NELL1: variants seen among roughly 807,000 people sequenced by gnomAD.
NELL1 encodes the protein neural EGFL like 1.
NELL1 carries 76 observed loss-of-function variants against 107.4 expected under a neutral mutation model. The ratio of observed to expected loss-of-function variants is 0.71; its 90% CI spans 0.59 to 0.86. The LOEUF (loss-of-function observed/expected upper bound fraction) is 0.86. Among genes scored for constraint, NELL1 ranks in the 40% least tolerant of loss-of-function variants. NELL1 has a pLI of 0.00. For synonymous variants in NELL1, 353 were observed against 341.2 expected (o/e 1.03, Z -0.38); for missense variants, 1,024 against 1,005.5 (o/e 1.02, Z -0.25).
intron 5 of NELL1, among the ~76,000 whole-genome samples, chr11:20,891,622 T>G (rs1849618545): frequency 6.6e-6 from 1 of 152,136 alleles, no homozygotes; most frequent in African/African-American, 2.4e-5. Flanking sequence ...AGATCCATCT[T>G]ACATGCAAAG....
At chr11:21,070,928 C>T (rs1853996879) in intron 12 of NELL1, among the ~76,000 whole-genome samples, 1 of 152,082 alleles carries the variant, frequency 6.6e-6, no homozygotes, top group African/African-American at 2.4e-5. Context: ...CAACAGGGAG[C>T]ACTACTTATC....
intron 16 of NELL1, among the ~76,000 whole-genome samples, chr11:21,537,465 C>G (rs1485492748): frequency 6.6e-6 from 1 of 152,126 alleles, no homozygotes; most frequent in East Asian, 1.9e-4. Flanking sequence ...CTCAACACCT[C>G]TCTTGTTGTA....
At chr11:21,203,514 A>G (rs544493853) in intron 13 of NELL1, among the ~76,000 whole-genome samples, 1 of 144,686 alleles carries the variant, frequency 6.9e-6, no homozygotes, top group African/African-American at 2.6e-5. Context: ...GTGTCTTTGC[A>G]CATGTGATGG....
intron 14 of NELL1, among the ~76,000 whole-genome samples, chr11:21,330,523 A>C (rs1042989025): frequency 2.0e-5 from 3 of 152,002 alleles, no homozygotes; most frequent in Non-Finnish European, 2.9e-5. Context: ...TTATTCTTTC[A>C]GCACTTTGAA....
intron 14 of NELL1, among the ~76,000 whole-genome samples, chr11:21,335,775 A>G (rs1416703583): frequency 1.3e-5 from 2 of 152,098 alleles, no homozygotes; most frequent in African/African-American, 4.8e-5. Context: ...TTTGTATATG[A>G]TGCCAAGTAC....
At position 20,875,242 on chromosome 11, in the gene NELL1, G is replaced by A. The variant is rs80091407; in HGVS notation, c.507-10202G>A. The stretch of plus-strand genomic sequence containing the variant: ...AGATCTCACATTCTGTTTTTAAGCA[G>A]CATATTTACCCTAACTTTGGACCCT... On this transcript the variant is annotated intron_variant, in intron 4 of 19. Coordinates refer to ENST00000357134, the MANE Select transcript of NELL1 (RefSeq NM_006157.5). Among the ~76,000 whole-genome samples the A allele has an allele frequency of 8.0e-3, 1,220 of 152,110 alleles. 11 individuals carry two copies. Among genetic ancestry groups the A allele is most frequent in the African/African-American group, 0.027 (1,136 of 41,496 alleles).
intron 14 of NELL1, among the ~76,000 whole-genome samples, chr11:21,338,142 T>C (rs1486163961): frequency 6.6e-6 from 1 of 152,082 alleles, no homozygotes; most frequent in African/African-American, 2.4e-5. Flanking sequence ...GATGTACAGA[T>C]ATAATGACAA....
At chr11:21,500,476 C>G (rs537611084) in intron 15 of NELL1, among the ~76,000 whole-genome samples, 1 of 152,060 alleles carries the variant, frequency 6.6e-6, no homozygotes, top group Admixed American at 6.6e-5. Flanking sequence ...TATTTAGAAA[C>G]ATCCAATTTA....
At chr11:20,783,897 A>T (rs1263627220) in intron 3 of NELL1, 67 bp downstream of exon 3, 16 of 1,442,314 alleles carry the variant, frequency 1.1e-5, no homozygotes, top group Non-Finnish European at 1.5e-5. Flanking sequence ...ATGTCTTGGG[A>T]TTTAGAGTTT....
intron 18 of NELL1, among the ~76,000 whole-genome samples, chr11:21,571,519 A>G (rs1190132171): frequency 2.6e-5 from 4 of 151,992 alleles, no homozygotes; most frequent in Non-Finnish European, 1.5e-5. Flanking sequence ...AAGATATGTA[A>G]GAAGGACAAA....
intron 15 of NELL1, among the ~76,000 whole-genome samples, chr11:21,451,288 A>G (rs1471856696): frequency 6.6e-6 from 1 of 152,086 alleles, no homozygotes; most frequent in Non-Finnish European, 1.5e-5. Context: ...TGTGTTAAGC[A>G]CTTCATTAGG....
At chr11:20,858,690 C>T (rs895776718) in intron 4 of NELL1, among the ~76,000 whole-genome samples, 5 of 152,312 alleles carry the variant, frequency 3.3e-5, no homozygotes, top group South Asian at 2.1e-4. Context: ...CTCTCCAAGC[C>T]GCTGTTTGCA....
intron 7 of NELL1, among the ~76,000 whole-genome samples, chr11:20,925,511 C>T (rs1259529056): frequency 6.8e-6 from 1 of 148,022 alleles, no homozygotes; most frequent in Non-Finnish European, 1.5e-5. Flanking sequence ...GTCTCAAACT[C>T]CTGACCTTGG....
chr11:21,286,603 TG>T (rs1849122091), intron 14 of NELL1, among the ~76,000 whole-genome samples: 2 of 152,242 alleles, frequency 1.3e-5, no homozygotes, highest in African/African-American at 4.8e-5. Flanking sequence ...GTGGCCCAGT[TG>T]TTGGCTTCTA....
intron 2 of NELL1, among the ~76,000 whole-genome samples, chr11:20,693,699 C>T (rs1044127406): frequency 2.8e-4 from 43 of 152,032 alleles, no homozygotes; most frequent in African/African-American, 9.2e-4. Context: ...CCCGACCTTT[C>T]TCTCTGGCTG....
intron 14 of NELL1, among the ~76,000 whole-genome samples, chr11:21,343,364 G>A (rs1243388260): frequency 6.6e-6 from 1 of 152,068 alleles, no homozygotes; most frequent in Non-Finnish European, 1.5e-5. Flanking sequence ...CTGCTTTGCA[G>A]CCTCCCTCTC....
chr11:20,742,990 A>G (rs1855925215), intron 2 of NELL1, among the ~76,000 whole-genome samples: 1 of 152,108 alleles, frequency 6.6e-6, no homozygotes, highest in Non-Finnish European at 1.5e-5. Context: ...ACACTGAGCT[A>G]ATGTAGCTTC....
intron 13 of NELL1, among the ~76,000 whole-genome samples, chr11:21,124,929 A>G (rs1855455758): frequency 6.6e-6 from 1 of 152,120 alleles, no homozygotes; most frequent in Non-Finnish European, 1.5e-5. Context: ...GTGTGCTCAC[A>G]TGATGAAAGG....
intron 2 of NELL1, among the ~76,000 whole-genome samples, chr11:20,685,548 T>A (rs572105856): frequency 6.6e-6 from 1 of 152,182 alleles, no homozygotes; most frequent in South Asian, 2.1e-4. Flanking sequence ...ACTTAAGCTC[T>A]CCATCTCAAA....
Sources: allele counts gnomAD v4.1 joint callset (sites outside exome capture counted in the v4.1 genomes callset), GRCh38; gene constraint gnomAD v4.1.1; transcripts MANE v1.5; gene names NCBI Gene and HGNC (gene_info 2026-07-23, HGNC 2026-07-21).